PLD1: variants seen among roughly 807,000 people sequenced by gnomAD.
PLD1 encodes phospholipase D1, also known as choline phosphatase 1.
PLD1 carries 112 observed loss-of-function variants against 137.1 expected under a neutral mutation model. That is an observed-to-expected ratio of 0.82 (90% CI 0.70 to 0.96). PLD1 has a LOEUF of 0.96. Among genes scored for constraint, PLD1 ranks in the 40% least tolerant of loss-of-function variants. The pLI is 0.00. For missense variants in PLD1, 1,321 were observed against 1,342.0 expected, an observed-to-expected ratio of 0.98 and a Z score of 0.24; for synonymous variants, 431 against 454.7, an observed-to-expected ratio of 0.95 and a Z score of 0.66.
At chr3:171,660,584 A>G (rs558574333) in intron 20 of PLD1, among the ~76,000 whole-genome samples, 41 of 152,182 alleles carry the variant, frequency 2.7e-4, no homozygotes, top group Admixed American at 7.9e-4. Flanking sequence ...ATTAAAAAGA[A>G]AAGCTGATTA....
At chr3:171,673,243 G>A (rs1712973607) in intron 19 of PLD1, among the ~76,000 whole-genome samples, 2 of 140,814 alleles carry the variant, frequency 1.4e-5, no homozygotes, top group South Asian at 4.3e-4. Flanking sequence ...TTTTTAGCCT[G>A]GGATGACTAA....
chr3:171,609,694 C>T (rs1473446733), intron 25 of PLD1, among the ~76,000 whole-genome samples: 1 of 152,046 alleles, frequency 6.6e-6, no homozygotes, highest in East Asian at 1.9e-4. Context: ...GGGAGCAAAA[C>T]AGTACATACA....
chr3:171,804,244 A>G (rs188567056), intron 1 of PLD1, among the ~76,000 whole-genome samples: 21 of 152,338 alleles, frequency 1.4e-4, no homozygotes, highest in African/African-American at 4.3e-4. Flanking sequence ...GGACTCCTTC[A>G]TCAGAAATTG....
At chr3:171,658,020 T>C (rs564726939) in intron 21 of PLD1, among the ~76,000 whole-genome samples, 100 of 152,176 alleles carry the variant, frequency 6.6e-4, no homozygotes, top group Non-Finnish European at 1.1e-3. Context: ...CATTTCTCCA[T>C]AGATAATACA....
intron 1 of PLD1, among the ~76,000 whole-genome samples, chr3:171,752,904 G>C (rs1044113756): frequency 3.9e-5 from 6 of 152,148 alleles, no homozygotes; most frequent in African/African-American, 1.4e-4. Flanking sequence ...TGTAATGCCT[G>C]GCACACATGA....
rs1246393077 is a variant in PLD1, at chr3:171,612,871, C to T, written c.2729-439G>A. Among the ~76,000 whole-genome samples the T allele has an allele frequency of 6.6e-6, 1 of 152,050 alleles. No individual in the cohort carries two copies. Among genetic ancestry groups the T allele is most frequent in the East Asian group, 1.9e-4 (1 of 5,190 alleles). On this transcript the variant is annotated intron_variant, in intron 24 of 26. Coordinates refer to ENST00000351298, the MANE Select transcript of PLD1 (RefSeq NM_002662.5). The surrounding 1 kb of genome is among the most constrained non-coding windows in gnomAD (Gnocchi z 4.1). ...CAAACAAAAAAGCTTAAAGAAAATG[C>T]TAAGTAGAAAAAAGAGCCAGGCATG...
intron 16 of PLD1, among the ~76,000 whole-genome samples, chr3:171,681,399 A>G (rs1713957270): frequency 6.6e-6 from 1 of 152,188 alleles, no homozygotes; most frequent in Admixed American, 6.5e-5. Context: ...TTATAGACCT[A>G]TATGTATTTA....
intron 6 of PLD1, 124 bp from the exon 7 acceptor site, chr3:171,726,200 C>A (rs908562010): frequency 4.6e-6 from 3 of 655,668 alleles, no homozygotes; most frequent in South Asian, 3.5e-5. Context: ...CTACACAGAT[C>A]AATAATAATG....
In PLD1 at chr3:171,697,874, A is replaced by C. The variant is rs528782819; in HGVS notation, c.1227+1871T>G. Among the ~76,000 whole-genome samples, 76 of 152,334 alleles carry C rather than the reference A, an allele frequency of 5.0e-4. 1 individual carries two copies. The highest frequency in any genetic ancestry group is 1.7e-3 in the African/African-American group (70 of 41,584). ...CAGATTTTATAAGCTCCTTCAACTT[A>C]AGAATCATGGCTTTTATTTATGTAC... On this transcript the variant is annotated intron_variant, in intron 12 of 26. Transcript: ENST00000351298.
intron 1 of PLD1, among the ~76,000 whole-genome samples, chr3:171,782,667 T>C (rs1336280680): frequency 6.6e-6 from 1 of 152,170 alleles, no homozygotes; most frequent in Non-Finnish European, 1.5e-5. Flanking sequence ...GTTTGAAATG[T>C]TTACAAGATG....
chr3:171,725,865 G>C, intron 7 of PLD1, 153 bp downstream of exon 7: 1 of 622,852 alleles, frequency 1.6e-6, no homozygotes, highest in Admixed American at 2.7e-5. Context: ...GCTCTGATTT[G>C]TATGAATAAT....
At chr3:171,736,269 C>G (rs1719351649) in intron 3 of PLD1, among the ~76,000 whole-genome samples, 1 of 151,966 alleles carries the variant, frequency 6.6e-6, no homozygotes, top group Admixed American at 6.6e-5. Flanking sequence ...ATTACTAAAT[C>G]TTTGTAATAA....
intron 1 of PLD1, among the ~76,000 whole-genome samples, chr3:171,775,304 A>G (rs201056762): frequency 6.6e-6 from 1 of 151,164 alleles, no homozygotes; most frequent in South Asian, 2.1e-4. Flanking sequence ...TAGTTATTAG[A>G]CCTGCCACTA....
intron 6 of PLD1, among the ~76,000 whole-genome samples, chr3:171,726,997 G>A (rs1718566928): frequency 6.6e-6 from 1 of 152,136 alleles, no homozygotes. Flanking sequence ...AATAGCCATA[G>A]ACGCATACAT....
At chr3:171,709,524 G>A in intron 10 of PLD1, 36 bp downstream of exon 10, 1 of 1,594,500 alleles carries the variant, frequency 6.3e-7, no homozygotes, top group Non-Finnish European at 8.6e-7. Flanking sequence ...TAGATGCTAT[G>A]ACTGCCTTGA....
intron 1 of PLD1, among the ~76,000 whole-genome samples, chr3:171,745,738 A>C (rs956946804): frequency 1.3e-5 from 2 of 152,220 alleles, no homozygotes; most frequent in Admixed American, 1.3e-4. Flanking sequence ...ACGTGCTAGC[A>C]GTCCTCACTC....
intron 6 of PLD1, among the ~76,000 whole-genome samples, chr3:171,731,184 T>C (rs1718912843): frequency 6.6e-6 from 1 of 152,242 alleles, no homozygotes; most frequent in South Asian, 2.1e-4. Context: ...AGGTTTGTTT[T>C]ATACTTATAA....
chr3:171,609,510 ACACAC>A (rs1732480524), intron 25 of PLD1, among the ~76,000 whole-genome samples: 1 of 16,054 alleles, frequency 6.2e-5, no homozygotes, highest in Non-Finnish European at 2.0e-4. Flanking sequence ...TAAAGAAAAC[ACACAC>A]ACACACACAC....
chr3:171,694,329 A>G (rs1715485160), intron 12 of PLD1, among the ~76,000 whole-genome samples: 1 of 152,182 alleles, frequency 6.6e-6, no homozygotes, highest in African/African-American at 2.4e-5. Flanking sequence ...TAATTATGCA[A>G]GTACTATTAC....
Sources: allele counts gnomAD v4.1 joint callset (sites outside exome capture counted in the v4.1 genomes callset), GRCh38; gene constraint gnomAD v4.1.1; non-coding constraint Gnocchi (gnomAD v3.1); transcripts MANE v1.5; gene names NCBI Gene and HGNC (gene_info 2026-07-23, HGNC 2026-07-21).